The following FBXL5 variants were observed in gnomAD, a reference collection of about 807,000 sequenced individuals.
FBXL5 encodes F-box/LRR-repeat protein 5.
Under a neutral mutation model 78.3 loss-of-function variants are expected in FBXL5, and 26 were observed. The observed-to-expected ratio is 0.33, with a 90% confidence interval of 0.24 to 0.46. The LOEUF (loss-of-function observed/expected upper bound fraction) is 0.46. Ranked by LOEUF, FBXL5 falls within the 20% of genes least tolerant of loss-of-function variation. The pLI is 1.00. For synonymous variants in FBXL5, 295 were observed against 282.5 expected (o/e 1.04, Z -0.45); for missense variants, 710 against 829.2 (o/e 0.86, Z 1.77).
chr4:15,642,199 T>A (rs1714955841), intron 2 of FBXL5, among the ~76,000 whole-genome samples: 1 of 151,736 alleles, frequency 6.6e-6, no homozygotes, highest in Admixed American at 6.6e-5. Flanking sequence ...CACTTCTATA[T>A]CAGCCCTCTC....
At chr4:15,660,415 C>CA (rs1258121106), upstream of FBXL5, among the ~76,000 whole-genome samples, 1 of 152,028 alleles carries the variant, frequency 6.6e-6, no homozygotes, top group Non-Finnish European at 1.5e-5. Flanking sequence ...AACAGAGTAC[C>CA]AAAAAATCCC....
chr4:15,647,237 A>AG (rs1715462523), intron 1 of FBXL5, among the ~76,000 whole-genome samples: 1 of 137,444 alleles, frequency 7.3e-6, no homozygotes, highest in African/African-American at 2.7e-5. Context: ...AAAAAAAAAA[A>AG]AAAAAAGAAA....
intron 9 of FBXL5, among the ~76,000 whole-genome samples, chr4:15,623,198 T>C (rs1185934418): frequency 6.6e-6 from 1 of 152,160 alleles, no homozygotes; most frequent in Non-Finnish European, 1.5e-5. Context: ...TCTAGTGTTT[T>C]CCAAAACCTT....
At chr4:15,610,981 T>C (rs959424799) in intron 10 of FBXL5, among the ~76,000 whole-genome samples, 1 of 152,140 alleles carries the variant, frequency 6.6e-6, no homozygotes, top group African/African-American at 2.4e-5. Flanking sequence ...TCCACAAAAG[T>C]AACAGCTTCA....
intron 6 of FBXL5, among the ~76,000 whole-genome samples, chr4:15,630,437 TTTTTGA>T (rs971943130): frequency 4.6e-5 from 7 of 152,194 alleles, no homozygotes; most frequent in African/African-American, 1.4e-4. Flanking sequence ...CATTTTCTGA[TTTTTGA>T]TTTTAATATA....
At chr4:15,640,139 C>T (rs1237256108) in intron 3 of FBXL5, among the ~76,000 whole-genome samples, 1 of 152,170 alleles carries the variant, frequency 6.6e-6, no homozygotes, top group African/African-American at 2.4e-5. Flanking sequence ...CTCTTGGGCT[C>T]AAGCAATCCT....
chr4:15,639,894 C>G (rs1438568475), intron 3 of FBXL5, among the ~76,000 whole-genome samples: 1 of 152,162 alleles, frequency 6.6e-6, no homozygotes, highest in African/African-American at 2.4e-5. Flanking sequence ...TACAGCTGAA[C>G]AGGTATTCCG....
chr4:15,605,441 C>T lies in FBXL5; in HGVS notation c.*282G>A. ...CTATGAAATACTTTAAATGACATGGCATTACCAACATTCTTTAAAGCATTT... is the reference window on the plus strand; with the variant it reads ...CTATGAAATACTTTAAATGACATGGTATTACCAACATTCTTTAAAGCATTT... On this transcript the variant is annotated 3_prime_UTR_variant, in exon 11 of 11. Transcript: ENST00000341285. 3.2e-6 allele frequency: 1 copy of T among 309,226 alleles called. No individual in the cohort carries two copies. Among genetic ancestry groups the T allele is most frequent in the Non-Finnish European group, 6.1e-6 (1 of 163,076 alleles). 19.2% of individuals were successfully genotyped at this position (309,226 alleles called of 1,614,324 possible).
chr4:15,607,005 C>T (rs1721933411), intron 10 of FBXL5, among the ~76,000 whole-genome samples: 1 of 152,180 alleles, frequency 6.6e-6, no homozygotes, highest in Non-Finnish European at 1.5e-5. Context: ...TCCTTATATT[C>T]CCCAAATGGC....
chr4:15,652,463 C>G (rs13106528), intron 1 of FBXL5, among the ~76,000 whole-genome samples: 20,737 of 152,000 alleles, frequency 0.14, 1,521 homozygotes, highest in Non-Finnish European at 0.15. Flanking sequence ...GTCTGGATAA[C>G]AAAGGTGAAA....
At chr4:15,655,677 G>A (rs927163911), upstream of FBXL5, among the ~76,000 whole-genome samples, 3 of 152,232 alleles carry the variant, frequency 2.0e-5, no homozygotes, top group Non-Finnish European at 4.4e-5. Context: ...GCCCACCACG[G>A]CCTTGAGGAG....
At chr4:15,674,654 GTTT>G (rs199900833) in intron 1 of FBXL5, among the ~76,000 whole-genome samples, 1 of 142,042 alleles carries the variant, frequency 7.0e-6, no homozygotes, top group Admixed American at 7.0e-5. Flanking sequence ...GGATTTTTGG[GTTT>G]TTTTTTTTTT....
chr4:15,633,623 T>A (rs1287087318), intron 5 of FBXL5, among the ~76,000 whole-genome samples: 1 of 152,222 alleles, frequency 6.6e-6, no homozygotes, highest in Non-Finnish European at 1.5e-5. Flanking sequence ...AGACAGAGTC[T>A]CACTCTGCCG....
chr4:15,623,726 T>G (rs896527419), intron 9 of FBXL5, among the ~76,000 whole-genome samples: 2 of 152,136 alleles, frequency 1.3e-5, no homozygotes, highest in African/African-American at 4.8e-5. Context: ...AACAGAAAAT[T>G]AATGAAATGA....
intron 9 of FBXL5, among the ~76,000 whole-genome samples, chr4:15,620,274 G>C (rs1025964611): frequency 3.9e-5 from 6 of 152,050 alleles, no homozygotes; most frequent in Admixed American, 6.5e-5. Flanking sequence ...ACTACTGAAA[G>C]AAATTAAAAA....
chr4:15,629,481 T>C (rs963710236), intron 6 of FBXL5, among the ~76,000 whole-genome samples: 41 of 152,186 alleles, frequency 2.7e-4, no homozygotes, highest in African/African-American at 9.4e-4. Context: ...TTCCTTGTCT[T>C]ATTTTTCTCT....
At chr4:15,649,367 T>C (rs9997068) in intron 1 of FBXL5, among the ~76,000 whole-genome samples, 96,914 of 151,816 alleles carry the variant, frequency 0.64, 31,077 homozygotes, top group Admixed American at 0.69. Context: ...ATCACAAGGT[T>C]AAGAGATCTA....
intron 9 of FBXL5, among the ~76,000 whole-genome samples, chr4:15,613,637 C>A (rs1202343403): frequency 6.6e-6 from 1 of 151,714 alleles, no homozygotes; most frequent in African/African-American, 2.4e-5. Context: ...ATTTTTTATT[C>A]TTTTTTCTTT....
chr4:15,635,622 G>A (rs921782564), intron 5 of FBXL5, among the ~76,000 whole-genome samples: 55 of 151,796 alleles, frequency 3.6e-4, no homozygotes, highest in Admixed American at 1.0e-3. Context: ...GTGTGGTGGT[G>A]CACGCCTGTA....
Sources: allele counts gnomAD v4.1 joint callset (sites outside exome capture counted in the v4.1 genomes callset), GRCh38; gene constraint gnomAD v4.1.1; transcripts MANE v1.5; gene names NCBI Gene and HGNC (gene_info 2026-07-23, HGNC 2026-07-21).